Variants in ZNG1B observed in about 807,000 individuals in gnomAD.
ZNG1B encodes the protein zinc-regulated GTPase metalloprotein activator 1B.
At chr2:113,444,980 G>A in the ZNG1B span, 6 of 1,610,520 alleles carry the variant, frequency 3.7e-6, no homozygotes, top group Non-Finnish European at 5.1e-6. Flanking sequence ...TGGCCTTAGA[G>A]CTATTGAGAA....
At chr2:113,454,757 G>A in the ZNG1B span, 5 of 1,576,886 alleles carry the variant, frequency 3.2e-6, no homozygotes, top group African/African-American at 6.7e-5. Flanking sequence ...TAACTATAGT[G>A]GATTCAAAAT....
chr2:113,438,551 T>G, the ZNG1B span, among the ~76,000 whole-genome samples: 1 of 152,078 alleles, frequency 6.6e-6, no homozygotes, highest in South Asian at 2.1e-4. Flanking sequence ...GAGGTCTGTT[T>G]GTAAACCACT....
the ZNG1B span, chr2:113,437,746 CG>C: frequency 1.3e-6 from 2 of 1,521,618 alleles, no homozygotes; most frequent in Non-Finnish European, 1.8e-6. Flanking sequence ...GATCAGCGAG[CG>C]TCGCGATGTG....
the ZNG1B span, chr2:113,453,135 T>C: frequency 1.9e-6 from 3 of 1,582,470 alleles, no homozygotes; most frequent in Admixed American, 3.8e-5. Flanking sequence ...TTATATATTT[T>C]CAGGTGCAGT....
chr2:113,472,961 C>T, the ZNG1B span, among the ~76,000 whole-genome samples: 14 of 150,512 alleles, frequency 9.3e-5, no homozygotes, highest in East Asian at 2.0e-4. Flanking sequence ...ATTGACTTGG[C>T]GATGCGGGCT....
At chr2:113,485,030 T>A in the ZNG1B span, among the ~76,000 whole-genome samples, 4 of 148,130 alleles carry the variant, frequency 2.7e-5, no homozygotes. Context: ...ACACATATCC[T>A]TCTAACTCCC....
chr2:113,472,566 T>A, the ZNG1B span, among the ~76,000 whole-genome samples: 1 of 152,042 alleles, frequency 6.6e-6, no homozygotes, highest in Non-Finnish European at 1.5e-5. Context: ...TGCCCATGCC[T>A]ATGTCCTGAA....
At chr2:113,463,212 G>T in the ZNG1B span, among the ~76,000 whole-genome samples, 1 of 152,112 alleles carries the variant, frequency 6.6e-6, no homozygotes, top group South Asian at 2.1e-4. Flanking sequence ...TTCAAATGAG[G>T]TTATAGTTCA....
the ZNG1B span, chr2:113,444,857 T>C: frequency 1.5e-5 from 22 of 1,505,050 alleles, no homozygotes; most frequent in Admixed American, 5.6e-5. Context: ...TTCACATTCC[T>C]AAGGGTACTT....
chr2:113,459,287 T>C, the ZNG1B span, among the ~76,000 whole-genome samples: 2 of 151,274 alleles, frequency 1.3e-5, no homozygotes, highest in Non-Finnish European at 2.9e-5. Context: ...TGCTGAACTT[T>C]TAGAAGGAAA....
the ZNG1B span, chr2:113,452,993 T>C: frequency 7.0e-7 from 1 of 1,430,766 alleles, no homozygotes; most frequent in Non-Finnish European, 9.5e-7. Context: ...TTGCTATAAA[T>C]AGTGAAAGCT....
chr2:113,477,259 C>G, the ZNG1B span, among the ~76,000 whole-genome samples: 1 of 152,142 alleles, frequency 6.6e-6, no homozygotes, highest in East Asian at 1.9e-4. Context: ...GCGCAGTATT[C>G]GGGTGGGAGT....
chr2:113,471,665 A>G, the ZNG1B span, among the ~76,000 whole-genome samples: 1 of 127,580 alleles, frequency 7.8e-6, no homozygotes, highest in Admixed American at 9.3e-5. Context: ...CCAGAATGTG[A>G]TGTTCCCCTT....
chr2:113,438,209 C>T, the ZNG1B span, among the ~76,000 whole-genome samples: 2 of 152,088 alleles, frequency 1.3e-5, no homozygotes, highest in South Asian at 4.2e-4. Context: ...GATGCCCGGC[C>T]CCCTCTGCGT....
At chr2:113,470,126 G>C in the ZNG1B span, 1 of 151,688 alleles carries the variant, frequency 6.6e-6, no homozygotes. Flanking sequence ...CGAGTAGCTG[G>C]GACTACAGGT....
At chr2:113,488,555 G>C in the ZNG1B span, among the ~76,000 whole-genome samples, 3 of 151,664 alleles carry the variant, frequency 2.0e-5, no homozygotes, top group Non-Finnish European at 4.4e-5. Context: ...CACTAGGTTG[G>C]TTATTAAGCT....
chr2:113,471,940 CAT>C, the ZNG1B span, among the ~76,000 whole-genome samples: 33,283 of 151,416 alleles, frequency 0.22, 4,040 homozygotes, highest in East Asian at 0.52. Context: ...CCGCAATAAA[CAT>C]ATGTGTGCAT....
chr2:113,482,729 A>G, the ZNG1B span, among the ~76,000 whole-genome samples: 2 of 44,788 alleles, frequency 4.5e-5, no homozygotes, highest in Admixed American at 2.7e-4. Context: ...CTAAGATGCT[A>G]GGAACAATTT....
chr2:113,453,073 A>G, the ZNG1B span: 7 of 1,515,364 alleles, frequency 4.6e-6, no homozygotes, highest in African/African-American at 5.7e-5. Flanking sequence ...AAATTAAAAC[A>G]TGGATAGAAT....
Sources: gnomAD v4.1 joint callset for allele counts (sites outside exome capture counted in the v4.1 genomes callset) on GRCh38, gnomAD v4.1.1 for gene constraint, MANE v1.5 for transcripts, NCBI Gene and HGNC (gene_info 2026-07-23, HGNC 2026-07-21) for gene names.